PKNOX2: variants seen among roughly 807,000 people sequenced by gnomAD.
PKNOX2 encodes homeobox protein PKNOX2.
A neutral mutation model predicts 53.1 loss-of-function variants in PKNOX2; 14 were observed. That is an observed-to-expected ratio of 0.26 (90% CI 0.17 to 0.41). The LOEUF is 0.41. Among genes scored for constraint, PKNOX2 ranks in the 10% least tolerant of loss-of-function variants. The pLI is 1.00. For synonymous variants in PKNOX2, 257 were observed against 242.8 expected (o/e 1.06, Z -0.54); for missense variants, 496 against 602.8 (o/e 0.82, Z 1.85).
chr11:125,184,693 C>T (rs571828358), intron 1 of PKNOX2, among the ~76,000 whole-genome samples: 1 of 152,278 alleles, frequency 6.6e-6, no homozygotes, highest in South Asian at 2.1e-4. Flanking sequence ...CATTCCCTGC[C>T]CTCTCCTCAG....
intron 2 of PKNOX2, among the ~76,000 whole-genome samples, chr11:125,284,315 G>C (rs1315987694): frequency 6.6e-6 from 1 of 152,210 alleles, no homozygotes; most frequent in Non-Finnish European, 1.5e-5. Flanking sequence ...CCTTCCCTGA[G>C]AGTATGAGAG....
At chr11:125,238,148 T>C (rs1422284671) in intron 2 of PKNOX2, among the ~76,000 whole-genome samples, 1 of 152,172 alleles carries the variant, frequency 6.6e-6, no homozygotes, top group Non-Finnish European at 1.5e-5. Context: ...CCTAGGTGCC[T>C]TGTTGTGACT....
chr11:125,221,537 C>A (rs1369330225), intron 1 of PKNOX2, among the ~76,000 whole-genome samples: 1 of 151,936 alleles, frequency 6.6e-6, no homozygotes, highest in Admixed American at 6.6e-5. Context: ...GTGTTGGAGG[C>A]GTATAAGTCA....
chr11:125,169,110 T>C (rs1955097472), intron 1 of PKNOX2, among the ~76,000 whole-genome samples: 1 of 152,188 alleles, frequency 6.6e-6, no homozygotes, highest in Admixed American at 6.5e-5. Flanking sequence ...GTGATGCAAT[T>C]GCTGGAGGTG....
At chr11:125,423,450 G>T (rs910474085) in intron 10 of PKNOX2, among the ~76,000 whole-genome samples, 2 of 152,140 alleles carry the variant, frequency 1.3e-5, no homozygotes, top group African/African-American at 4.8e-5. Flanking sequence ...GCTCCTGGGA[G>T]GTCCGATCAC....
chr11:125,294,320 G>A (rs1321488841), intron 2 of PKNOX2, among the ~76,000 whole-genome samples: 1 of 152,192 alleles, frequency 6.6e-6, no homozygotes, highest in Non-Finnish European at 1.5e-5. Context: ...ATCTTATGGA[G>A]CTTGGCGAAA....
chr11:125,363,549 C>T (rs923086226), intron 4 of PKNOX2, among the ~76,000 whole-genome samples: 9 of 152,206 alleles, frequency 5.9e-5, no homozygotes, highest in African/African-American at 1.9e-4. Flanking sequence ...CTCCTCTGTG[C>T]CTTAGCTTCC....
intron 6 of PKNOX2, among the ~76,000 whole-genome samples, chr11:125,396,980 G>GA (rs1295422316): frequency 2.0e-5 from 3 of 152,188 alleles, no homozygotes; most frequent in African/African-American, 2.4e-5. Context: ...ATGGGTGTAG[G>GA]AAAAAATCAT....
chr11:125,205,523 A>G (rs527356126), intron 1 of PKNOX2, among the ~76,000 whole-genome samples: 1 of 152,288 alleles, frequency 6.6e-6, no homozygotes, highest in Admixed American at 6.5e-5. Context: ...TATTACATCC[A>G]AGTAAAAATT....
At chr11:125,239,617 T>G (rs562686321) in intron 2 of PKNOX2, 105 of 152,344 alleles carry the variant, frequency 6.9e-4, no homozygotes, top group African/African-American at 2.5e-3. Context: ...CCTCCGTAGA[T>G]TGCATCTACA....
intron 2 of PKNOX2, among the ~76,000 whole-genome samples, chr11:125,248,411 C>A (rs2135654824): frequency 6.6e-6 from 1 of 152,136 alleles, no homozygotes; most frequent in African/African-American, 2.4e-5. Flanking sequence ...GCAAAGCCTC[C>A]AAAACAGAGT....
intron 2 of PKNOX2, among the ~76,000 whole-genome samples, chr11:125,292,699 T>C (rs1591515585): frequency 6.6e-6 from 1 of 152,298 alleles, no homozygotes; most frequent in East Asian, 1.9e-4. Flanking sequence ...AGCCACCCCT[T>C]CCTTTCTCTC....
chr11:125,285,230 G>T (rs1293366603), intron 2 of PKNOX2, among the ~76,000 whole-genome samples: 1 of 152,114 alleles, frequency 6.6e-6, no homozygotes, highest in Non-Finnish European at 1.5e-5. Flanking sequence ...GACTCAGGCT[G>T]GTGCTCCTAC....
In PKNOX2 at chr11:125,178,929, G is replaced by C. The variant is rs77087306; in HGVS notation, c.-201+14153G>C. Among the ~76,000 whole-genome samples the C allele has an allele frequency of 6.1e-3, 931 of 152,126 alleles. 5 individuals carry two copies. Among genetic ancestry groups the C allele is most frequent in the African/African-American group, 0.021 (891 of 41,474 alleles). On this transcript the variant is annotated intron_variant, in intron 1 of 12. Coordinates refer to ENST00000298282, the MANE Select transcript of PKNOX2 (RefSeq NM_001382323.2). Reference sequence around the variant, plus strand: ...ACAGTAATTCTCAACTCAGGTGGCAGCCGGGACAATGAAAGGAGATAGCCC... The same window carrying C: ...ACAGTAATTCTCAACTCAGGTGGCACCCGGGACAATGAAAGGAGATAGCCC...
chr11:125,259,457 G>T (rs534957841), intron 2 of PKNOX2, among the ~76,000 whole-genome samples: 2 of 152,022 alleles, frequency 1.3e-5, no homozygotes, highest in Non-Finnish European at 2.9e-5. Context: ...ATCACTCCCC[G>T]AGTGATTTTA....
chr11:125,298,064 G>T (rs1591517595), intron 2 of PKNOX2, among the ~76,000 whole-genome samples: 3 of 152,322 alleles, frequency 2.0e-5, no homozygotes, highest in Non-Finnish European at 2.9e-5. Context: ...TTCAGAGCTT[G>T]GGAGGACCCA....
rs1215414422 is a variant in PKNOX2 at position 125,165,642 on chromosome 11, C to G, written c.-201+866C>G. 6.6e-6 allele frequency among the ~76,000 whole-genome samples: 1 copy of G among 152,166 alleles called. No individual in the cohort carries two copies. The highest frequency in any genetic ancestry group is 1.5e-5 in the Non-Finnish European group (1 of 68,024). ...GGAAGCCAGGATCCGAGGGGCTACACGCACGGACCCTCACCCAGGGAGGAG... is the reference window on the plus strand; with the variant it reads ...GGAAGCCAGGATCCGAGGGGCTACAGGCACGGACCCTCACCCAGGGAGGAG... On this transcript the variant is annotated intron_variant, in intron 1 of 12. Transcript: ENST00000298282. The surrounding 1 kb of genome is among the most constrained non-coding windows in gnomAD (Gnocchi z 4.5).
intron 1 of PKNOX2, among the ~76,000 whole-genome samples, chr11:125,213,818 A>C (rs1458534633): frequency 8.5e-5 from 13 of 152,108 alleles, no homozygotes; most frequent in African/African-American, 1.7e-4. Flanking sequence ...TTCTGGCCAC[A>C]TGTGATCCGG....
At chr11:125,351,939 C>T (rs989568326) in intron 4 of PKNOX2, among the ~76,000 whole-genome samples, 1 of 152,126 alleles carries the variant, frequency 6.6e-6, no homozygotes, top group Admixed American at 6.5e-5. Flanking sequence ...CACCCCGCAA[C>T]CCTTTCCTTC....
Sources: allele counts gnomAD v4.1 joint callset (sites outside exome capture counted in the v4.1 genomes callset), GRCh38; gene constraint gnomAD v4.1.1; non-coding constraint Gnocchi (gnomAD v3.1); transcripts MANE v1.5; gene names NCBI Gene and HGNC (gene_info 2026-07-23, HGNC 2026-07-21).